Variants in ESR2 observed in about 807,000 individuals in gnomAD.
ESR2 encodes the protein estrogen receptor 2.
In ESR2, 36 loss-of-function variants were observed where a neutral mutation model predicts 49.6. That is an observed-to-expected ratio of 0.73 (90% CI 0.56 to 0.96). ESR2 has a LOEUF of 0.96. Among genes scored for constraint, ESR2 ranks in the 40% least tolerant of loss-of-function variants. ESR2 has a pLI of 0.00. For synonymous variants in ESR2, 320 were observed against 266.1 expected (o/e 1.20, Z -1.97); for missense variants, 714 against 693.0 (o/e 1.03, Z -0.34).
chr14:64,269,147 C>T (rs2076389324), intron 3 of ESR2, among the ~76,000 whole-genome samples: 1 of 152,110 alleles, frequency 6.6e-6, no homozygotes, highest in Non-Finnish European at 1.5e-5. Context: ...TCTGCATATT[C>T]TTAGAATTCT....
Position 64,249,634 on chromosome 14 carries a change from C to T in ESR2, c.1137G>A (p.Met379Ile), listed in dbSNP as rs1441404806. Residue 379 changes from methionine (M) to isoleucine (I), a missense_variant, in exon 7 of 9, where the codon ATG (methionine) becomes ATA (isoleucine). Physicochemically the swap from Met to Ile is conservative, Grantham distance 10. Transcript: ENST00000341099. ...GAAACCTTGAAGTAGTTGCCAGGAG[C>T]ATGTCAAAGATTTCCAGAATTCCTT... The part of the protein sequence containing the change: ...CVEGILEIFD[M>I]LLATTSRFRE... 4 of 1,613,808 alleles carry T rather than the reference C, an allele frequency of 2.5e-6. No individual in the cohort carries two copies. The highest frequency in any genetic ancestry group is 3.4e-6 in the Non-Finnish European group (4 of 1,179,852).
At chr14:64,238,445 C>G (rs912733381) in intron 7 of ESR2, among the ~76,000 whole-genome samples, 1 of 152,078 alleles carries the variant, frequency 6.6e-6, no homozygotes, top group Non-Finnish European at 1.5e-5. Context: ...AAAGAAATAC[C>G]CTCCCAGAAA....
chr14:64,260,959 A>G (rs2076209622), intron 4 of ESR2, among the ~76,000 whole-genome samples: 3 of 146,566 alleles, frequency 2.0e-5, no homozygotes, highest in African/African-American at 5.0e-5. Flanking sequence ...GTTTCTCTAT[A>G]AAGAGTGCTC....
intron 1 of ESR2, among the ~76,000 whole-genome samples, chr14:64,313,888 AAAAAG>A (rs1044836039): frequency 2.0e-5 from 3 of 151,846 alleles, no homozygotes; most frequent in African/African-American, 7.3e-5. Context: ...CAAAAAAAAA[AAAAAG>A]AAAGAAAGAA....
chr14:64,284,807 G>A (rs954109710), intron 1 of ESR2, among the ~76,000 whole-genome samples: 1 of 149,948 alleles, frequency 6.7e-6, no homozygotes, highest in Non-Finnish European at 1.5e-5. Flanking sequence ...TTTTTCCACT[G>A]TCTTTTGCTG....
Position 64,262,053 on chromosome 14 carries a change from A to C in ESR2, c.653-1305T>G, listed in dbSNP as rs76108615. Among the ~76,000 whole-genome samples, 72 of 151,144 alleles carry C rather than the reference A, an allele frequency of 4.8e-4. 1 individual carries two copies. In the East Asian group the frequency reaches 0.013, roughly 26 times the overall value. On this transcript the variant is annotated intron_variant, in intron 4 of 8. Coordinates refer to ENST00000341099, the MANE Select transcript of ESR2 (RefSeq NM_001437.3). ...TAATCTAACTAAACCATCTCGCTTTACTTTGTATGTTTTAATTACTAGCAA... is the reference window on the plus strand; with the variant it reads ...TAATCTAACTAAACCATCTCGCTTTCCTTTGTATGTTTTAATTACTAGCAA...
At chr14:64,286,425 C>G (rs1363341227) in intron 1 of ESR2, among the ~76,000 whole-genome samples, 1 of 151,782 alleles carries the variant, frequency 6.6e-6, no homozygotes, top group African/African-American at 2.4e-5. Context: ...CTCAGCCTCC[C>G]TAGTAGCTGG....
upstream of ESR2, chr14:64,338,277 C>A (rs1285967641): frequency 6.4e-6 from 1 of 155,702 alleles, no homozygotes; most frequent in Non-Finnish European, 1.4e-5. Flanking sequence ...CTCCTTCCAG[C>A]TCGGCAGGGC....
chr14:64,331,533 A>C (rs1279078534), intron 1 of ESR2, among the ~76,000 whole-genome samples: 4 of 152,152 alleles, frequency 2.6e-5, no homozygotes, highest in Admixed American at 6.5e-5. Flanking sequence ...ATGGTGTAAA[A>C]AGATCCTTTG....
rs1398614987 is a variant in ESR2, at chr14:64,230,356, G to A, written c.*2781C>T. 6.6e-6 allele frequency among the ~76,000 whole-genome samples: 1 copy of A among 152,114 alleles called. No homozygotes were observed. The highest frequency in any genetic ancestry group is 2.4e-5 in the African/African-American group (1 of 41,424). On this transcript the variant is annotated 3_prime_UTR_variant, in exon 9 of 9. Coordinates refer to ENST00000341099, the MANE Select transcript of ESR2 (RefSeq NM_001437.3). Reference sequence around the variant, plus strand: ...TCACATGCTAGAAAATTCTAGAATTGCTTCAATTCCACTTATATACATAAA... The same window carrying A: ...TCACATGCTAGAAAATTCTAGAATTACTTCAATTCCACTTATATACATAAA...
intron 6 of ESR2, among the ~76,000 whole-genome samples, chr14:64,256,345 T>A (rs141557595): frequency 6.6e-6 from 1 of 152,384 alleles, no homozygotes; most frequent in East Asian, 1.9e-4. Context: ...TACAGCATCA[T>A]GTCCCATTTT....
Position 64,232,858 on chromosome 14 carries a change from G to A in ESR2, c.*279C>T. 1 of 399,652 alleles carries A rather than the reference G, an allele frequency of 2.5e-6. No homozygotes were observed. The highest frequency in any genetic ancestry group is 4.2e-6 in the Non-Finnish European group (1 of 236,400). The allele number at this position is 399,652 out of a possible 1,614,324, so 24.8% of individuals were successfully genotyped here. On this transcript the variant is annotated 3_prime_UTR_variant, in exon 9 of 9. Coordinates refer to ENST00000341099, the MANE Select transcript of ESR2 (RefSeq NM_001437.3). ...AAGATGTTTCACAAAGGGGAGGAAG[G>A]AAGAAGGAAAGTAAGAAAGACCACA...
Position 64,268,857 on chromosome 14 carries a change from CG to C in ESR2, c.589del (p.Arg197GlyfsTer19). 2 of 1,613,892 alleles carry C rather than the reference CG, an allele frequency of 1.2e-6. No homozygotes were observed. The highest frequency in any genetic ancestry group is 1.7e-6 in the Non-Finnish European group (2 of 1,179,802). ...ATNQCTIDKN[R>X]RKSCQACRLR... The stretch of plus-strand genomic sequence containing the variant: ...TCGGCAGGCCTGGCAGCTCTTGCGC[CG>C]GTTTTTATCGATTGTACACTGATTT... On this transcript the variant is annotated frameshift_variant, in exon 4 of 9. Coordinates refer to ENST00000341099, the MANE Select transcript of ESR2 (RefSeq NM_001437.3). LOFTEE classifies it high-confidence loss of function.
intron 5 of ESR2, chr14:64,260,142 C>T (rs372997830): frequency 3.3e-6 from 2 of 597,380 alleles, no homozygotes; most frequent in Non-Finnish European, 3.2e-6. Flanking sequence ...ATGCATCTAG[C>T]CATGGGAAAA....
rs1395328059 is a variant in ESR2, at chr14:64,229,959, G to A, written c.*3178C>T. Among the ~76,000 whole-genome samples, 1 of 152,088 alleles carries A rather than the reference G, an allele frequency of 6.6e-6. No homozygotes were observed. Among genetic ancestry groups the A allele is most frequent in the Non-Finnish European group, 1.5e-5 (1 of 68,018 alleles). ...TTTGGGAGGCCTTGGCAGGCAGATCGCTGGAGCCCAGGAGTTCAGGACCAG... is the reference window on the plus strand; with the variant it reads ...TTTGGGAGGCCTTGGCAGGCAGATCACTGGAGCCCAGGAGTTCAGGACCAG... On this transcript the variant is annotated 3_prime_UTR_variant, in exon 9 of 9. Transcript: ENST00000341099.
intron 1 of ESR2, among the ~76,000 whole-genome samples, chr14:64,291,470 A>C (rs1005911856): frequency 3.3e-5 from 5 of 152,198 alleles, no homozygotes; most frequent in African/African-American, 1.2e-4. Flanking sequence ...TGGGTATGCA[A>C]GGTAAGTTAC....
At chr14:64,271,858 C>A (rs2076453124) in intron 3 of ESR2, among the ~76,000 whole-genome samples, 1 of 152,216 alleles carries the variant, frequency 6.6e-6, no homozygotes, top group African/African-American at 2.4e-5. Context: ...AGCGCTGCAA[C>A]AAACATGGGA....
chr14:64,308,074 G>T (rs1486722518), intron 1 of ESR2, among the ~76,000 whole-genome samples: 1 of 152,044 alleles, frequency 6.6e-6, no homozygotes, highest in Non-Finnish European at 1.5e-5. Context: ...GAGTGCAGTG[G>T]CATGAACATG....
At chr14:64,302,160 T>TTTTTATTTTTATTTA (rs1555593263) in intron 1 of ESR2, among the ~76,000 whole-genome samples, 5 of 138,164 alleles carry the variant, frequency 3.6e-5, no homozygotes, top group African/African-American at 1.4e-4. Flanking sequence ...TATTTTTTAT[T>TTTTTATTTTTATTTA]TTTATTTATT....
Sources: allele counts gnomAD v4.1 joint callset (sites outside exome capture counted in the v4.1 genomes callset), GRCh38; gene constraint gnomAD v4.1.1; transcripts MANE v1.5; gene names NCBI Gene and HGNC (gene_info 2026-07-23, HGNC 2026-07-21).